Variants in NEDD4L observed in about 807,000 individuals in gnomAD.
NEDD4L encodes the protein E3 ubiquitin-protein ligase NEDD4-like.
In NEDD4L, 54 loss-of-function variants were observed where a neutral mutation model predicts 148.9. The ratio of observed to expected loss-of-function variants is 0.36; its 90% CI spans 0.29 to 0.45. The LOEUF is 0.45. Among genes scored for constraint, NEDD4L ranks in the 20% least tolerant of loss-of-function variants. The pLI, the probability that NEDD4L is intolerant of heterozygous loss-of-function variation, is 1.00. For synonymous variants in NEDD4L, 433 were observed against 440.7 expected, an observed-to-expected ratio of 0.98 and a Z score of 0.22; for missense variants, 856 against 1,233.8, an observed-to-expected ratio of 0.69 and a Z score of 4.59.
chr18:58,095,599 T>A (rs541184753), intron 1 of NEDD4L, among the ~76,000 whole-genome samples: 2 of 152,316 alleles, frequency 1.3e-5, no homozygotes, highest in South Asian at 2.1e-4. Flanking sequence ...GTTGGTCCCA[T>A]GGAATCCTCG....
At chr18:58,312,101 C>A (rs896504532) in intron 5 of NEDD4L, among the ~76,000 whole-genome samples, 4 of 152,176 alleles carry the variant, frequency 2.6e-5, no homozygotes, top group African/African-American at 9.7e-5. Context: ...TTTCCAATAT[C>A]GGAATATGAA....
chr18:58,284,217 ATCT>A (rs2053583964), intron 5 of NEDD4L, among the ~76,000 whole-genome samples: 1 of 152,222 alleles, frequency 6.6e-6, no homozygotes, highest in Non-Finnish European at 1.5e-5. Context: ...TATTTTTATC[ATCT>A]TCTTTGGACC....
Position 58,396,273 on chromosome 18 carries a change from C to T in NEDD4L, c.*4C>T. ...AGGATTTGAAGGGGTGGATTAAGCA[C>T]CCTGTGCCTCGGGGGTGGTTGTTCT... On this transcript the variant is annotated 3_prime_UTR_variant, in exon 31 of 31. Coordinates refer to ENST00000400345, the MANE Select transcript of NEDD4L (RefSeq NM_001144967.3). 1 of 1,596,324 alleles carries T rather than the reference C, an allele frequency of 6.3e-7. No individual in the cohort carries two copies. Among genetic ancestry groups the T allele is most frequent in the African/African-American group, 1.3e-5 (1 of 74,648 alleles).
chr18:58,105,630 G>A (rs6650727), intron 1 of NEDD4L, among the ~76,000 whole-genome samples: 17,126 of 152,054 alleles, frequency 0.11, 1,045 homozygotes, highest in African/African-American at 0.16. Context: ...TTTCATTCCT[G>A]TCTCTTATTT....
intron 1 of NEDD4L, among the ~76,000 whole-genome samples, chr18:58,128,320 A>G (rs1014863322): frequency 1.3e-5 from 2 of 151,990 alleles, no homozygotes; most frequent in Non-Finnish European, 2.9e-5. Flanking sequence ...GTGCTCATTT[A>G]TTTATTTTAG....
chr18:58,169,113 C>T (rs1479066102), intron 2 of NEDD4L, among the ~76,000 whole-genome samples: 7 of 152,226 alleles, frequency 4.6e-5, no homozygotes, highest in Admixed American at 3.3e-4. Flanking sequence ...CCCCTTCCCC[C>T]TTGAGAGGCC....
intron 1 of NEDD4L, among the ~76,000 whole-genome samples, chr18:58,114,011 G>T (rs187419847): frequency 1.3e-5 from 2 of 152,148 alleles, no homozygotes; most frequent in African/African-American, 2.4e-5. Flanking sequence ...CATACCAGCC[G>T]CAGGGCACTT....
chr18:58,212,807 A>G (rs1043795954), intron 2 of NEDD4L, among the ~76,000 whole-genome samples: 1 of 152,088 alleles, frequency 6.6e-6, no homozygotes, highest in African/African-American at 2.4e-5. Context: ...GTGGCAAAAG[A>G]TACGTGATTA....
At chr18:58,124,464 CT>C (rs1162615406) in intron 1 of NEDD4L, among the ~76,000 whole-genome samples, 3 of 152,206 alleles carry the variant, frequency 2.0e-5, no homozygotes, top group East Asian at 1.9e-4. Flanking sequence ...CTCCAAGTGC[CT>C]TCTGTGCTCT....
chr18:58,276,040 TA>T (rs749199535), intron 5 of NEDD4L, among the ~76,000 whole-genome samples: 4 of 152,208 alleles, frequency 2.6e-5, no homozygotes, highest in Non-Finnish European at 5.9e-5. Flanking sequence ...TGACACTTTT[TA>T]AACCAAACAT....
At chr18:58,255,447 C>T (rs952808427) in intron 5 of NEDD4L, 3 of 1,187,344 alleles carry the variant, frequency 2.5e-6, no homozygotes, top group Non-Finnish European at 3.2e-6. Flanking sequence ...GCTTTTTGCT[C>T]TTATCCAATC....
At chr18:58,111,567 T>C (rs1420323343) in intron 1 of NEDD4L, among the ~76,000 whole-genome samples, 2 of 152,164 alleles carry the variant, frequency 1.3e-5, no homozygotes, top group African/African-American at 4.8e-5. Context: ...TTTCAATTAG[T>C]GGAGTGTTTT....
Position 58,290,748 on chromosome 18 carries a change from A to T in NEDD4L, c.298-25234A>T, listed in dbSNP as rs141663714. Among the ~76,000 whole-genome samples, 10 of 152,214 alleles carry T rather than the reference A, an allele frequency of 6.6e-5. 1 individual carries two copies. The East Asian group carries it at 1.7e-3, about 26-fold the overall frequency. Reference sequence around the variant, plus strand: ...AAGTTTTTTTTTTTTAATGAAAAGAAACTGTTCATTTATGCAGACATACAA... The same window carrying T: ...AAGTTTTTTTTTTTTAATGAAAAGATACTGTTCATTTATGCAGACATACAA... On this transcript the variant is annotated intron_variant, in intron 5 of 30. Transcript: ENST00000400345.
chr18:58,081,139 T>G (rs2083409264), intron 1 of NEDD4L, among the ~76,000 whole-genome samples: 1 of 152,110 alleles, frequency 6.6e-6, no homozygotes, highest in Non-Finnish European at 1.5e-5. Flanking sequence ...GTTTTGGCAC[T>G]TCATTTCTAT....
At chr18:58,098,354 A>G (rs150478781) in intron 1 of NEDD4L, among the ~76,000 whole-genome samples, 1 of 152,264 alleles carries the variant, frequency 6.6e-6, no homozygotes, top group South Asian at 2.1e-4. Flanking sequence ...TCCTAGGCCT[A>G]TGAAGGGTAA....
At chr18:58,236,823 A>C (rs2046085202) in intron 2 of NEDD4L, among the ~76,000 whole-genome samples, 1 of 152,176 alleles carries the variant, frequency 6.6e-6, no homozygotes, top group African/African-American at 2.4e-5. Context: ...AGGGAGTTCA[A>C]GACTAGCCCG....
At position 58,256,739 on chromosome 18, in the gene NEDD4L, G is replaced by T; in HGVS notation, c.297+4685G>T. 8.1e-7 allele frequency: 1 copy of T among 1,232,044 alleles called. No individual in the cohort carries two copies. Among genetic ancestry groups the T allele is most frequent in the Non-Finnish European group, 1.0e-6 (1 of 988,012 alleles). 76.3% of individuals were successfully genotyped at this position (1,232,044 alleles called of 1,614,324 possible). On this transcript the variant is annotated intron_variant, in intron 5 of 30. Coordinates refer to ENST00000400345, the MANE Select transcript of NEDD4L (RefSeq NM_001144967.3). The surrounding 1 kb of genome is among the most constrained non-coding windows in gnomAD (Gnocchi z 5.2). Reference sequence around the variant, plus strand: ...TCCCCAGAATCCCGAGGAGAAAAGCGCCAAAAGCCCTGTTTCCACGGGAGC... The same window carrying T: ...TCCCCAGAATCCCGAGGAGAAAAGCTCCAAAAGCCCTGTTTCCACGGGAGC...
intron 2 of NEDD4L, among the ~76,000 whole-genome samples, chr18:58,232,625 C>T (rs1341357875): frequency 6.6e-6 from 1 of 152,196 alleles, no homozygotes; most frequent in Admixed American, 6.5e-5. Context: ...ATATAGGGGG[C>T]ATCACCGTAA....
intron 2 of NEDD4L, among the ~76,000 whole-genome samples, chr18:58,234,195 C>CCCTT (rs1320094657): frequency 2.2e-5 from 3 of 137,160 alleles, no homozygotes; most frequent in African/African-American, 2.9e-5. Flanking sequence ...CTTCCTTCCC[C>CCCTT]CCTTCCTGCC....
Sources: allele counts gnomAD v4.1 joint callset (sites outside exome capture counted in the v4.1 genomes callset), GRCh38; gene constraint gnomAD v4.1.1; non-coding constraint Gnocchi (gnomAD v3.1); transcripts MANE v1.5; gene names NCBI Gene and HGNC (gene_info 2026-07-23, HGNC 2026-07-21).